Variants in ENAM observed in about 807,000 individuals in gnomAD.
The protein encoded by ENAM is enamelin.
In ENAM, 21 loss-of-function variants were observed where a neutral mutation model predicts 33.6. The observed-to-expected ratio is 0.63, with a 90% CI of 0.44 to 0.90. ENAM has a LOEUF of 0.90. ENAM is among the 40% of genes least tolerant of loss of function. The probability of loss-of-function intolerance (pLI) is 0.00; values close to 1 mark genes in which losing one functional copy is unlikely to be tolerated. For missense variants in ENAM, 1,388 were observed against 1,366.9 expected, an observed-to-expected ratio of 1.02 and a Z score of -0.24; for synonymous variants, 473 against 468.4, an observed-to-expected ratio of 1.01 and a Z score of -0.13.
chr4:70,630,887 G>A (rs551056193), intron 2 of ENAM, among the ~76,000 whole-genome samples: 8 of 152,084 alleles, frequency 5.3e-5, no homozygotes, highest in Non-Finnish European at 8.8e-5. Flanking sequence ...TATTACAGGT[G>A]TGAGACACCA....
chr4:70,638,562 C>T (rs1010330104), intron 8 of ENAM, among the ~76,000 whole-genome samples: 3 of 142,728 alleles, frequency 2.1e-5, no homozygotes, highest in Non-Finnish European at 4.5e-5. Context: ...GGTGACAGAG[C>T]GAGACTATCT....
intron 2 of ENAM, 50 bp from the exon 3 acceptor site, chr4:70,631,620 A>G: frequency 7.5e-7 from 1 of 1,339,794 alleles, no homozygotes; most frequent in Non-Finnish European, 1.1e-6. Flanking sequence ...AGAGTGCCCT[A>G]AGCATACTTA....
intron 4 of ENAM, 135 bp from the exon 5 acceptor site, chr4:70,632,516 G>T (rs961190563): frequency 1.3e-6 from 1 of 766,944 alleles, no homozygotes; most frequent in Admixed American, 1.7e-5. Context: ...TGACTGTTGT[G>T]CATTAAAATC....
intron 7 of ENAM, among the ~76,000 whole-genome samples, chr4:70,636,212 A>G (rs764686458): frequency 3.9e-5 from 6 of 152,172 alleles, no homozygotes; most frequent in Non-Finnish European, 8.8e-5. Flanking sequence ...AAAACACACA[A>G]ATTATCTTCA....
intron 2 of ENAM, among the ~76,000 whole-genome samples, chr4:70,631,047 G>A (rs1738303892): frequency 6.6e-6 from 1 of 151,928 alleles, no homozygotes. Context: ...GGCCACATAA[G>A]TGATTTTTAA....
chr4:70,643,312 C>T lies in ENAM; in HGVS notation c.1886C>T (p.Thr629Ile), dbSNP rs1262449830. 1.9e-6 allele frequency: 3 copies of T among 1,613,674 alleles called. No individual in the cohort carries two copies. Among genetic ancestry groups the T allele is most frequent in the Non-Finnish European group, 8.5e-7 (1 of 1,179,834 alleles). The stretch of plus-strand genomic sequence containing the variant: ...GATGAGAGAGATGATTCTCCCAATA[C>T]TATGGGGCAAAAAGAAAGTCCACTC... ...TWDERDDSPN[T>I]MGQKESPLYP... The change falls in exon 9 of 9, where the codon ACT (threonine) becomes ATT (isoleucine). Residue 629 changes from threonine (T) to isoleucine (I), a missense_variant. By Grantham distance (89) the Thr-to-Ile change is moderately conservative. Coordinates refer to ENST00000396073, the MANE Select transcript of ENAM (RefSeq NM_031889.3).
At position 70,631,661 on chromosome 4, in the gene ENAM, T is replaced by C. The variant is rs764340194; in HGVS notation, c.55-9T>C. The C allele has an allele frequency of 3.7e-6, 6 of 1,604,238 alleles. No homozygotes were observed. The South Asian group carries it at 6.6e-5, about 18-fold the overall frequency. On this transcript the variant is annotated splice_polypyrimidine_tract_variant and intron_variant, in intron 2 of 8. Transcript: ENST00000396073. ...CAGACCAAAAATAAAAATCAATTTT[T>C]TATTCTAGGTACCAAAAGGCAAAAT...
rs1738721932 is a variant in ENAM at position 70,645,026 on chromosome 4, G to A, written c.*171G>A. The A allele has an allele frequency of 3.1e-6, 2 of 646,520 alleles. No homozygotes were observed. The highest frequency in any genetic ancestry group is 2.8e-6 in the Non-Finnish European group (1 of 359,724). The allele number at this position is 646,520 out of a possible 1,614,324, so 40.0% of individuals were successfully genotyped here. On this transcript the variant is annotated 3_prime_UTR_variant, in exon 9 of 9. Transcript: ENST00000396073. ...AGCGACCCAGGTGGAGCTGAGATTA[G>A]GCCTCTGGGGATCACCAGATCTAGC... is the stretch of plus-strand genomic sequence containing the variant.
At chr4:70,633,132 A>G (rs944693680) in intron 5 of ENAM, among the ~76,000 whole-genome samples, 1 of 152,088 alleles carries the variant, frequency 6.6e-6, no homozygotes, top group Admixed American at 6.6e-5. Context: ...TATTCTTGTC[A>G]CTGTATGCTA....
Position 70,642,771 on chromosome 4 carries a change from G to A in ENAM, c.1345G>A (p.Val449Ile), listed in dbSNP as rs1179919057. The A allele has an allele frequency of 3.1e-6, 5 of 1,612,628 alleles. No homozygotes were observed. Among genetic ancestry groups the A allele is most frequent in the South Asian group, 2.2e-5 (2 of 90,666 alleles). Reference protein sequence around the residue: ...KPLGPKEQIIVPTKNPTSPWR... With the variant: ...KPLGPKEQIIIPTKNPTSPWR... ...CCTGGGTCCAAAAGAACAAATAATA[G>A]TTCCTACAAAGAATCCAACCAGCCC... The change falls in exon 9 of 9, where the codon GTT becomes ATT. Residue 449 changes from valine to isoleucine, a missense_variant. Coordinates refer to ENST00000396073, the MANE Select transcript of ENAM (RefSeq NM_031889.3).
In ENAM at chr4:70,643,102, AT is replaced by A; in HGVS notation, c.1680del (p.Pro561LeufsTer80). On this transcript the variant is annotated frameshift_variant, in exon 9 of 9. Coordinates refer to ENST00000396073, the MANE Select transcript of ENAM (RefSeq NM_031889.3). LOFTEE classifies it low-confidence loss of function (END_TRUNC). ...PEEIPSPAKE[H>X]FPAGRNTWDH... ...GAAATCCCTTCTCCTGCAAAAGAAC[AT>A]TTTCCTGCTGGAAGAAATACTTGGG... 1 of 1,613,876 alleles carries A rather than the reference AT, an allele frequency of 6.2e-7. No individual in the cohort carries two copies. Among genetic ancestry groups the A allele is most frequent in the Admixed American group, 1.7e-5 (1 of 60,000 alleles).
Position 70,644,818 on chromosome 4 carries a change from A to G in ENAM, c.3392A>G (p.Gln1131Arg). 1 of 1,614,148 alleles carries G rather than the reference A, an allele frequency of 6.2e-7. No individual in the cohort carries two copies. Among genetic ancestry groups the G allele is most frequent in the South Asian group, 1.1e-5 (1 of 91,084 alleles). The change falls in exon 9 of 9, where the codon CAG becomes CGG. Residue 1131 changes from glutamine to arginine, a missense_variant. Gln to Arg is a conservative substitution (Grantham distance 43). Transcript: ENST00000396073. ...FEFLQRGTNV[Q>R]DQVQDCLLLQ... ...TTCCTTCAAAGAGGGACCAATGTAC[A>G]GGACCAGGTACAAGACTGCTTACTA...
At chr4:70,633,882 AT>A (rs1471764114) in intron 5 of ENAM, among the ~76,000 whole-genome samples, 1 of 151,482 alleles carries the variant, frequency 6.6e-6, no homozygotes, top group Admixed American at 6.6e-5. Context: ...CTTGTTTTTT[AT>A]TTTTTGTTTA....
rs186975800 is a variant in ENAM at position 70,635,828 on chromosome 4, C to T, written c.472-4C>T. 7.6e-6 allele frequency: 12 copies of T among 1,584,348 alleles called. No homozygotes were observed. The African/African-American group carries it at 1.3e-4, about 18-fold the overall frequency. ...CATCACTCTGATTCTTTCTTTCTCT[C>T]TAGGCATTCCCACCATTTGGAAATG... On this transcript the variant is annotated splice_region_variant and splice_polypyrimidine_tract_variant and intron_variant, in intron 6 of 8. Transcript: ENST00000396073.
chr4:70,633,165 G>A (rs1738369258), intron 5 of ENAM, among the ~76,000 whole-genome samples: 1 of 152,024 alleles, frequency 6.6e-6, no homozygotes, highest in Admixed American at 6.6e-5. Context: ...GACAAATCAA[G>A]TATCAGGTGG....
intron 6 of ENAM, among the ~76,000 whole-genome samples, chr4:70,634,802 A>G (rs1217861468): frequency 6.6e-6 from 1 of 152,234 alleles, no homozygotes; most frequent in Admixed American, 6.5e-5. Flanking sequence ...AACATGGTGT[A>G]ATAATATGAG....
intron 4 of ENAM, among the ~76,000 whole-genome samples, 196 bp from the exon 5 acceptor site, chr4:70,632,455 C>A (rs1296650032): frequency 6.6e-6 from 1 of 152,002 alleles, no homozygotes; most frequent in Non-Finnish European, 1.5e-5. Context: ...TGAGAAGCTT[C>A]TTTAATTGTA....
intron 8 of ENAM, among the ~76,000 whole-genome samples, chr4:70,640,829 T>G (rs1323378395): frequency 2.0e-5 from 3 of 152,166 alleles, no homozygotes; most frequent in Non-Finnish European, 1.5e-5. Context: ...TGATGTTATG[T>G]TAAGGGATTT....
chr4:70,643,765 C>A lies in ENAM; in HGVS notation c.2339C>A (p.Pro780Gln), dbSNP rs770713417. 6 of 1,614,046 alleles carry A rather than the reference C, an allele frequency of 3.7e-6. No individual in the cohort carries two copies. ...IQAQGQRERR[P>Q]YFNRNIWDQA... The stretch of plus-strand genomic sequence containing the variant: ...GCCCAAGGGCAGAGAGAAAGAAGGC[C>A]GTATTTTAACAGAAATATCTGGGAT... Residue 780 changes from proline to glutamine, a missense_variant, in exon 9 of 9, where the codon CCG becomes CAG. Transcript: ENST00000396073.
Sources: gnomAD v4.1 joint callset for allele counts (sites outside exome capture counted in the v4.1 genomes callset) on GRCh38, gnomAD v4.1.1 for gene constraint, MANE v1.5 for transcripts, NCBI Gene and HGNC (gene_info 2026-07-23, HGNC 2026-07-21) for gene names.